Variants in MRPS28 observed in about 807,000 individuals in gnomAD.
MRPS28 encodes small ribosomal subunit protein bS1m.
Under a neutral mutation model 10.8 loss-of-function variants are expected in MRPS28, and 7 were observed. The observed-to-expected ratio is 0.65, with a 90% confidence interval of 0.37 to 1.22. MRPS28 has a LOEUF of 1.22. Ranked by LOEUF, MRPS28 falls within the 50% of genes most tolerant of loss-of-function variation. MRPS28 has a pLI of 0.02. For missense variants in MRPS28, 265 were observed against 232.9 expected (o/e 1.14, Z -0.90); for synonymous variants, 121 against 93.3 (o/e 1.30, Z -1.71).
intron 2 of MRPS28, among the ~76,000 whole-genome samples, chr8:79,974,243 T>C (rs1807720860): frequency 6.6e-6 from 1 of 151,874 alleles, no homozygotes; most frequent in Non-Finnish European, 1.5e-5. Context: ...TCTAAACATA[T>C]ACATATAAAC....
At chr8:79,931,666 A>G (rs1806466015) in intron 2 of MRPS28, among the ~76,000 whole-genome samples, 1 of 152,248 alleles carries the variant, frequency 6.6e-6, no homozygotes, top group Non-Finnish European at 1.5e-5. Flanking sequence ...AAGTCCAGTC[A>G]GGATAGGCCT....
intron 2 of MRPS28, among the ~76,000 whole-genome samples, chr8:79,993,047 A>C (rs541510088): frequency 3.3e-5 from 5 of 152,356 alleles, no homozygotes; most frequent in African/African-American, 1.2e-4. Flanking sequence ...ATCAAGCAGC[A>C]ATCTAAATTA....
intron 2 of MRPS28, chr8:79,956,557 T>C (rs1017793749): frequency 3.3e-5 from 5 of 152,156 alleles, no homozygotes; most frequent in Admixed American, 6.5e-5. Context: ...CCAAGGTTTG[T>C]TGTACGTATT....
intron 2 of MRPS28, among the ~76,000 whole-genome samples, chr8:79,935,439 TTTTA>T (rs1453273472): frequency 1.3e-5 from 2 of 152,348 alleles, no homozygotes; most frequent in East Asian, 1.9e-4. Flanking sequence ...TCCTCTTCCC[TTTTA>T]TTTGTTTGTT....
intron 1 of MRPS28, among the ~76,000 whole-genome samples, chr8:80,007,356 T>C (rs1284034017): frequency 6.6e-6 from 1 of 152,176 alleles, no homozygotes; most frequent in Non-Finnish European, 1.5e-5. Context: ...CTTTAAAAAC[T>C]GGTGCAAGAA....
At chr8:79,934,812 C>A (rs959744538) in intron 2 of MRPS28, among the ~76,000 whole-genome samples, 2 of 152,180 alleles carry the variant, frequency 1.3e-5, no homozygotes, top group South Asian at 4.2e-4. Context: ...GGTTAAGAAA[C>A]AACCTGATTA....
intron 2 of MRPS28, among the ~76,000 whole-genome samples, chr8:79,924,490 T>C (rs1810182236): frequency 6.6e-6 from 1 of 152,212 alleles, no homozygotes; most frequent in South Asian, 2.1e-4. Flanking sequence ...AAATAAACTG[T>C]CTGGGCTTCA....
intron 2 of MRPS28, among the ~76,000 whole-genome samples, chr8:79,946,560 C>T (rs552689211): frequency 6.6e-6 from 1 of 152,112 alleles, no homozygotes; most frequent in Non-Finnish European, 1.5e-5. Context: ...ATTCTCTGTT[C>T]AAGATAGCTT....
At position 79,990,105 on chromosome 8, in the gene MRPS28, G is replaced by A. The variant is rs546957234; in HGVS notation, c.395+12894C>T. Among the ~76,000 whole-genome samples, 37 of 152,302 alleles carry A rather than the reference G, an allele frequency of 2.4e-4. 1 individual carries two copies. The highest frequency in any genetic ancestry group is 8.7e-4 in the African/African-American group (36 of 41,570). On this transcript the variant is annotated intron_variant, in intron 2 of 2. Transcript: ENST00000276585. ...GAGCCCAGGAGGTGGAGGTTGCAGTGAGCTGAGATTGCACCACTGCATTCC... is the reference window on the plus strand; with the variant it reads ...GAGCCCAGGAGGTGGAGGTTGCAGTAAGCTGAGATTGCACCACTGCATTCC...
chr8:80,029,522 G>A (rs964314126), intron 1 of MRPS28, among the ~76,000 whole-genome samples: 2 of 152,176 alleles, frequency 1.3e-5, no homozygotes, highest in African/African-American at 2.4e-5. Context: ...TTACAAAAGA[G>A]AGGTGAAGCG....
intron 1 of MRPS28, among the ~76,000 whole-genome samples, chr8:80,018,487 C>T (rs928579784): frequency 2.0e-5 from 3 of 152,068 alleles, no homozygotes; most frequent in African/African-American, 7.2e-5. Flanking sequence ...AGCAGTAATA[C>T]ATGCTGATGA....
chr8:79,971,029 C>A (rs116467343), intron 2 of MRPS28, among the ~76,000 whole-genome samples: 11 of 152,132 alleles, frequency 7.2e-5, no homozygotes, highest in Non-Finnish European at 1.3e-4. Flanking sequence ...TTAGAAGCCA[C>A]GAGAAGGGAG....
intron 2 of MRPS28, among the ~76,000 whole-genome samples, chr8:79,929,857 T>C (rs1328529103): frequency 6.6e-6 from 1 of 152,142 alleles, no homozygotes; most frequent in African/African-American, 2.4e-5. Flanking sequence ...TTTCTAAAAG[T>C]TATGATTCTG....
At chr8:79,920,961 T>C (rs913132315) in intron 2 of MRPS28, among the ~76,000 whole-genome samples, 9 of 152,352 alleles carry the variant, frequency 5.9e-5, no homozygotes, top group Non-Finnish European at 1.0e-4. Context: ...GAATTAATTT[T>C]TGTATAAGGT....
At chr8:80,020,290 T>C (rs138064497) in intron 1 of MRPS28, among the ~76,000 whole-genome samples, 46 of 152,242 alleles carry the variant, frequency 3.0e-4, no homozygotes, top group African/African-American at 1.1e-3. Flanking sequence ...GTCATTTCTA[T>C]CACTAATTCT....
chr8:79,932,234 A>G (rs1806482095), intron 2 of MRPS28, among the ~76,000 whole-genome samples: 1 of 152,234 alleles, frequency 6.6e-6, no homozygotes, highest in African/African-American at 2.4e-5. Flanking sequence ...AAACCAAAAA[A>G]CAACCAAATC....
chr8:79,933,230 C>T (rs559756086), intron 2 of MRPS28, among the ~76,000 whole-genome samples: 269 of 152,308 alleles, frequency 1.8e-3, no homozygotes, highest in South Asian at 3.9e-3. Context: ...GATCAAGGCT[C>T]GGGCCAATTC....
At chr8:79,986,912 T>C (rs543867570) in intron 2 of MRPS28, among the ~76,000 whole-genome samples, 104 of 152,248 alleles carry the variant, frequency 6.8e-4, no homozygotes, top group Non-Finnish European at 1.3e-3. Flanking sequence ...CTTCACAGAA[T>C]TGGAAAAAAC....
intron 2 of MRPS28, among the ~76,000 whole-genome samples, chr8:79,920,527 T>C (rs917604458): frequency 6.6e-6 from 1 of 152,258 alleles, no homozygotes; most frequent in African/African-American, 2.4e-5. Context: ...TTGATTTGCA[T>C]TTCTCTGATG....
Sources: gnomAD v4.1 joint callset for allele counts (sites outside exome capture counted in the v4.1 genomes callset) on GRCh38, gnomAD v4.1.1 for gene constraint, MANE v1.5 for transcripts, NCBI Gene and HGNC (gene_info 2026-07-23, HGNC 2026-07-21) for gene names.